The following HS3ST2 variants were observed in gnomAD, a reference collection of about 807,000 sequenced individuals.
The protein encoded by HS3ST2 is heparan sulfate-glucosamine 3-sulfotransferase 2.
Under a neutral mutation model 26.3 loss-of-function variants are expected in HS3ST2, and 17 were observed. That is an observed-to-expected ratio of 0.65 (90% CI 0.44 to 0.97). HS3ST2 has a LOEUF of 0.97. HS3ST2 is among the 50% of genes least tolerant of loss of function. The pLI, the probability that HS3ST2 is intolerant of heterozygous loss-of-function variation, is 0.00. For synonymous variants in HS3ST2, 237 were observed against 219.2 expected, an observed-to-expected ratio of 1.08 and a Z score of -0.72; for missense variants, 402 against 501.2, an observed-to-expected ratio of 0.80 and a Z score of 1.89.
At chr16:22,911,240 G>A (rs1421210334) in intron 1 of HS3ST2, among the ~76,000 whole-genome samples, 1 of 152,202 alleles carries the variant, frequency 6.6e-6, no homozygotes, top group Non-Finnish European at 1.5e-5. Context: ...TGCATTATTA[G>A]AGACTGGGGA....
chr16:22,862,668 C>T (rs557589803), intron 1 of HS3ST2, among the ~76,000 whole-genome samples: 1 of 152,236 alleles, frequency 6.6e-6, no homozygotes, highest in African/African-American at 2.4e-5. Context: ...GTTGCCAGTC[C>T]GGGACATGTC....
chr16:22,829,212 T>C (rs1422175403), intron 1 of HS3ST2, among the ~76,000 whole-genome samples: 2 of 152,162 alleles, frequency 1.3e-5, no homozygotes, highest in Non-Finnish European at 2.9e-5. Context: ...AGAGCTCCTA[T>C]CCCATGGAGA....
intron 1 of HS3ST2, among the ~76,000 whole-genome samples, chr16:22,901,850 C>T (rs1902285596): frequency 6.6e-6 from 1 of 152,120 alleles, no homozygotes; most frequent in South Asian, 2.1e-4. Context: ...TTTCTTCATC[C>T]TAAATAATAT....
At chr16:22,825,129 G>A (rs456136) in intron 1 of HS3ST2, among the ~76,000 whole-genome samples, 21,935 of 152,094 alleles carry the variant, frequency 0.14, 1,715 homozygotes, top group East Asian at 0.22. Context: ...GAAGGAATAC[G>A]TTGGAATCTC....
chr16:22,816,310 C>T, intron 1 of HS3ST2, among the ~76,000 whole-genome samples: 1 of 152,176 alleles, frequency 6.6e-6, no homozygotes, highest in Non-Finnish European at 1.5e-5. Context: ...TTTTTATCTA[C>T]AGCTTTAGGC....
chr16:22,825,662 A>C (rs399487), intron 1 of HS3ST2, among the ~76,000 whole-genome samples: 21,895 of 152,054 alleles, frequency 0.14, 1,710 homozygotes, highest in East Asian at 0.22. Context: ...AGGAGGGGGA[A>C]CCTATAGGGA....
intron 1 of HS3ST2, among the ~76,000 whole-genome samples, chr16:22,895,955 A>G (rs1280681736): frequency 6.6e-6 from 1 of 151,156 alleles, no homozygotes; most frequent in Non-Finnish European, 1.5e-5. Context: ...TGTGGATTTG[A>G]TGTATCAAAT....
chr16:22,894,170 T>C (rs1248811430), intron 1 of HS3ST2, among the ~76,000 whole-genome samples: 3 of 152,106 alleles, frequency 2.0e-5, no homozygotes, highest in African/African-American at 7.2e-5. Flanking sequence ...CTCGACACTT[T>C]GACTGGTCAG....
chr16:22,890,871 A>G (rs1220836689), intron 1 of HS3ST2, among the ~76,000 whole-genome samples: 2 of 152,228 alleles, frequency 1.3e-5, no homozygotes, highest in African/African-American at 4.8e-5. Context: ...GGATTAAGTA[A>G]AAGTTAGCCT....
chr16:22,881,202 G>A (rs1901985744), intron 1 of HS3ST2, among the ~76,000 whole-genome samples: 1 of 152,228 alleles, frequency 6.6e-6, no homozygotes, highest in African/African-American at 2.4e-5. Flanking sequence ...TTGTAGGGCT[G>A]CTGACAGAGT....
At chr16:22,896,061 C>T (rs144559311) in intron 1 of HS3ST2, among the ~76,000 whole-genome samples, 41 of 152,146 alleles carry the variant, frequency 2.7e-4, no homozygotes, top group African/African-American at 9.9e-4. Context: ...ATCCTCCTGC[C>T]TCAGCCTTCC....
At chr16:22,878,971 G>T (rs1393671536) in intron 1 of HS3ST2, among the ~76,000 whole-genome samples, 1 of 152,194 alleles carries the variant, frequency 6.6e-6, no homozygotes, top group African/African-American at 2.4e-5. Flanking sequence ...CAGGGCAGAG[G>T]GTCTCCTGGC....
chr16:22,888,377 T>C (rs1195517831), intron 1 of HS3ST2, among the ~76,000 whole-genome samples: 1 of 85,632 alleles, frequency 1.2e-5, no homozygotes, highest in Non-Finnish European at 2.2e-5. Context: ...GCTTTTCTTT[T>C]TTTTTTTTTT....
intron 1 of HS3ST2, among the ~76,000 whole-genome samples, chr16:22,835,678 CA>C (rs958565252): frequency 6.6e-6 from 1 of 151,714 alleles, no homozygotes; most frequent in Non-Finnish European, 1.5e-5. Context: ...TTACAAATCA[CA>C]AAAAAAGGAT....
At chr16:22,854,739 A>G (rs1901566271) in intron 1 of HS3ST2, 1 of 151,926 alleles carries the variant, frequency 6.6e-6, no homozygotes, top group African/African-American at 2.4e-5. Context: ...CCTGGGCTCA[A>G]GCGGTCCTCC....
intron 1 of HS3ST2, among the ~76,000 whole-genome samples, chr16:22,843,271 T>C (rs1393889950): frequency 5.3e-5 from 8 of 152,010 alleles, no homozygotes; most frequent in African/African-American, 1.2e-4. Flanking sequence ...AACTTTTGGG[T>C]TAATTTCCCA....
At chr16:22,854,522 G>C (rs182752264) in intron 1 of HS3ST2, 14 of 151,880 alleles carry the variant, frequency 9.2e-5, no homozygotes, top group African/African-American at 3.4e-4. Flanking sequence ...TATCTGTCTT[G>C]ATTATCACCA....
intron 1 of HS3ST2, among the ~76,000 whole-genome samples, chr16:22,865,348 T>C (rs1901736356): frequency 6.6e-6 from 1 of 151,446 alleles, no homozygotes; most frequent in Non-Finnish European, 1.5e-5. Context: ...AGGTCAGGAG[T>C]TCGAGACCAG....
At chr16:22,866,339 A>C (rs1375353107) in intron 1 of HS3ST2, among the ~76,000 whole-genome samples, 1 of 150,980 alleles carries the variant, frequency 6.6e-6, no homozygotes, top group Admixed American at 6.6e-5. Flanking sequence ...ACACACACAC[A>C]CACACTAACC....
Sources: gnomAD v4.1 joint callset for allele counts (sites outside exome capture counted in the v4.1 genomes callset) on GRCh38, gnomAD v4.1.1 for gene constraint, MANE v1.5 for transcripts, NCBI Gene and HGNC (gene_info 2026-07-23, HGNC 2026-07-21) for gene names.